GTF2E2: variants seen among roughly 807,000 people sequenced by gnomAD.
GTF2E2 encodes the protein general transcription factor IIE subunit 2.
Under a neutral mutation model 40.5 loss-of-function variants are expected in GTF2E2, and 21 were observed. That is an observed-to-expected ratio of 0.52 (90% CI 0.37 to 0.75). The LOEUF (loss-of-function observed/expected upper bound fraction) is 0.75, where lower values mean the gene tolerates loss of function less well. Among genes scored for constraint, GTF2E2 ranks in the 30% least tolerant of loss-of-function variants. The probability of loss-of-function intolerance (pLI) is 0.00; values close to 1 mark genes in which losing one functional copy is unlikely to be tolerated. For missense variants in GTF2E2, 298 were observed against 338.4 expected (o/e 0.88, Z 0.94); for synonymous variants, 117 against 121.6 (o/e 0.96, Z 0.25).
intron 3 of GTF2E2, among the ~76,000 whole-genome samples, chr8:30,625,356 GA>G (rs1387493337): frequency 6.6e-6 from 1 of 152,048 alleles, no homozygotes; most frequent in Non-Finnish European, 1.5e-5. Context: ...ATCCCAGGGT[GA>G]AATCTAGGTT....
intron 6 of GTF2E2, among the ~76,000 whole-genome samples, chr8:30,602,020 CTTTTT>C (rs11292554): frequency 7.1e-6 from 1 of 141,808 alleles, no homozygotes; most frequent in African/African-American, 2.6e-5. Context: ...ATTTTTTAAT[CTTTTT>C]TTTTTTTTTT....
intron 6 of GTF2E2, among the ~76,000 whole-genome samples, chr8:30,585,723 A>C (rs531198154): frequency 6.9e-6 from 1 of 144,382 alleles, no homozygotes; most frequent in South Asian, 2.2e-4. Context: ...TCAGCCCCAC[A>C]TTAGGCTATG....
intron 3 of GTF2E2, among the ~76,000 whole-genome samples, chr8:30,627,047 C>T (rs1040768343): frequency 2.6e-5 from 4 of 152,034 alleles, no homozygotes. Flanking sequence ...AGAATCACAC[C>T]ACTGATGGGA....
chr8:30,598,469 G>A (rs1341375773), intron 6 of GTF2E2, among the ~76,000 whole-genome samples: 1 of 152,146 alleles, frequency 6.6e-6, no homozygotes, highest in Non-Finnish European at 1.5e-5. Context: ...AATTTAACTA[G>A]TTCCTTTTGT....
Position 30,612,342 on chromosome 8 carries a change from T to C in GTF2E2, c.506A>G (p.Glu169Gly). The C allele has an allele frequency of 1.2e-6, 2 of 1,613,190 alleles. No homozygotes were observed. The highest frequency in any genetic ancestry group is 1.7e-6 in the Non-Finnish European group (2 of 1,179,182). ...ATTGGGCAGTGCTTCTTCTATGTCT[T>C]CTAAAAGAATTCCTCCTAATCCTCG... ...DQRGLGGILLEDIEEALPNSQ... is the reference protein window; with the variant it reads ...DQRGLGGILLGDIEEALPNSQ... The change falls in exon 5 of 8, where the codon GAA becomes GGA. Residue 169 changes from glutamate to glycine, a missense_variant. Physicochemically the swap from Glu to Gly is moderately conservative, Grantham distance 98. Transcript: ENST00000355904.
chr8:30,647,089 A>G (rs912092375), intron 2 of GTF2E2, among the ~76,000 whole-genome samples: 2 of 151,246 alleles, frequency 1.3e-5, no homozygotes, highest in African/African-American at 4.8e-5. Context: ...ACAATTATTG[A>G]TATTATAAAT....
intron 3 of GTF2E2, among the ~76,000 whole-genome samples, chr8:30,629,119 T>C (rs899932597): frequency 6.6e-6 from 1 of 152,208 alleles, no homozygotes; most frequent in Admixed American, 6.5e-5. Flanking sequence ...TATCTTATAT[T>C]TGAACAGATT....
intron 6 of GTF2E2, among the ~76,000 whole-genome samples, chr8:30,601,194 A>G (rs1271463792): frequency 6.6e-6 from 1 of 152,110 alleles, no homozygotes; most frequent in Non-Finnish European, 1.5e-5. Flanking sequence ...AAAATGACAA[A>G]ATGCAAACAG....
intron 6 of GTF2E2, among the ~76,000 whole-genome samples, chr8:30,592,909 A>G (rs1475799114): frequency 6.6e-6 from 1 of 152,176 alleles, no homozygotes; most frequent in African/African-American, 2.4e-5. Flanking sequence ...ACTTGAAAAC[A>G]TACACACAGG....
intron 2 of GTF2E2, chr8:30,645,549 T>C (rs1275826680): frequency 6.5e-7 from 1 of 1,535,666 alleles, no homozygotes; most frequent in South Asian, 1.2e-5. Flanking sequence ...CCAACCCTCT[T>C]AGAAGTATGA....
intron 2 of GTF2E2, chr8:30,643,626 C>T (rs889777526): frequency 1.3e-5 from 2 of 148,214 alleles, no homozygotes; most frequent in Admixed American, 1.4e-4. Flanking sequence ...ATTCATTGCA[C>T]TCCAGCCTGG....
At chr8:30,592,205 C>T (rs1828869359) in intron 6 of GTF2E2, among the ~76,000 whole-genome samples, 1 of 151,992 alleles carries the variant, frequency 6.6e-6, no homozygotes, top group South Asian at 2.1e-4. Flanking sequence ...CTGCAAAATC[C>T]CATCTCTACA....
intron 3 of GTF2E2, among the ~76,000 whole-genome samples, chr8:30,632,919 T>G (rs190245830): frequency 6.6e-6 from 1 of 152,326 alleles, no homozygotes. Context: ...TGAACATTTA[T>G]GTCTAAGCAC....
chr8:30,585,430 T>C, intron 6 of GTF2E2, among the ~76,000 whole-genome samples: 1 of 152,270 alleles, frequency 6.6e-6, no homozygotes, highest in South Asian at 2.1e-4. Context: ...CTCATTTATG[T>C]AAAGCAGAAG....
At chr8:30,599,259 GCAAAAAAATAAAAC>G (rs1829100345) in intron 6 of GTF2E2, among the ~76,000 whole-genome samples, 1 of 136,338 alleles carries the variant, frequency 7.3e-6, no homozygotes, top group Non-Finnish European at 1.6e-5. Context: ...ACAGCATAGA[GCAAAAAAATAAAAC>G]CAAAAAAATA....
chr8:30,582,951 T>C (rs1043531074), intron 6 of GTF2E2, among the ~76,000 whole-genome samples: 3 of 152,252 alleles, frequency 2.0e-5, no homozygotes, highest in Admixed American at 6.5e-5. Flanking sequence ...ATAGCATCCA[T>C]TGGTAGTGCT....
chr8:30,614,686 AG>A lies in GTF2E2; in HGVS notation c.287del (p.Pro96LeufsTer2). ...KTRHQRGDTHPLTLDEILDET... is the reference protein window; with the variant it reads ...KTRHQRGDTHXLTLDEILDET... ...CATCCAAAATTTCATCTAAGGTTAG[AG>A]GATGCGTATCTCCTCGCTGATGCCG... On this transcript the variant is annotated frameshift_variant, in exon 4 of 8. Transcript: ENST00000355904. LOFTEE classifies it high-confidence loss of function. The A allele has an allele frequency of 6.2e-7, 1 of 1,608,598 alleles. No homozygotes were observed. The highest frequency in any genetic ancestry group is 8.5e-7 in the Non-Finnish European group (1 of 1,175,474).
At chr8:30,615,874 A>T (rs1341640753) in intron 3 of GTF2E2, among the ~76,000 whole-genome samples, 3 of 152,212 alleles carry the variant, frequency 2.0e-5, no homozygotes, top group Non-Finnish European at 4.4e-5. Flanking sequence ...TCCACTAAGG[A>T]TGCTTATTAC....
At chr8:30,611,817 A>G (rs182381299) in intron 5 of GTF2E2, among the ~76,000 whole-genome samples, 1 of 152,330 alleles carries the variant, frequency 6.6e-6, no homozygotes, top group African/African-American at 2.4e-5. Flanking sequence ...GGAAACAAGC[A>G]GCTTTCCCCA....
Sources: gnomAD v4.1 joint callset for allele counts (sites outside exome capture counted in the v4.1 genomes callset) on GRCh38, gnomAD v4.1.1 for gene constraint, MANE v1.5 for transcripts, NCBI Gene and HGNC (gene_info 2026-07-23, HGNC 2026-07-21) for gene names.